LRRC8C: variants seen among roughly 807,000 people sequenced by gnomAD.
LRRC8C encodes leucine rich repeat containing 8 VRAC subunit C.
In LRRC8C, 20 loss-of-function variants were observed where a neutral mutation model predicts 55.3. The ratio of observed to expected loss-of-function variants is 0.36; its 90% CI spans 0.25 to 0.53. LRRC8C has a LOEUF of 0.53. Ranked by LOEUF, LRRC8C falls within the 20% of genes least tolerant of loss-of-function variation. The pLI, the probability that LRRC8C is intolerant of heterozygous loss-of-function variation, is 0.92. For synonymous variants in LRRC8C, 376 were observed against 360.7 expected, an observed-to-expected ratio of 1.04 and a Z score of -0.48; for missense variants, 659 against 951.4, an observed-to-expected ratio of 0.69 and a Z score of 4.04.
At chr1:89,656,541 A>G (rs143793639) in intron 1 of LRRC8C, among the ~76,000 whole-genome samples, 118 of 152,322 alleles carry the variant, frequency 7.7e-4, no homozygotes, top group African/African-American at 2.7e-3. Context: ...GTTTCCAGGC[A>G]TGTAATTCAA....
chr1:89,621,566 C>A, the LRRC8C span, among the ~76,000 whole-genome samples: 1 of 152,150 alleles, frequency 6.6e-6, no homozygotes, highest in Non-Finnish European at 1.5e-5. Context: ...CCAGTCTGAT[C>A]TGAGGAAAAG....
At chr1:89,703,910 AG>A (rs1317036978) in intron 2 of LRRC8C, among the ~76,000 whole-genome samples, 4 of 152,130 alleles carry the variant, frequency 2.6e-5, no homozygotes, top group Admixed American at 2.0e-4. Flanking sequence ...TAAAAAGAAA[AG>A]GGTGATTAGT....
At chr1:89,620,292 C>G in the LRRC8C span, among the ~76,000 whole-genome samples, 4 of 152,044 alleles carry the variant, frequency 2.6e-5, no homozygotes, top group African/African-American at 9.7e-5. Flanking sequence ...AATTAGGTTT[C>G]AACATATGAA....
At chr1:89,630,131 C>T (rs1215501), upstream of LRRC8C, among the ~76,000 whole-genome samples, 1 of 152,056 alleles carries the variant, frequency 6.6e-6, no homozygotes, top group African/African-American at 2.4e-5. Context: ...GATCACACAG[C>T]ATGAGACTCT....
upstream of LRRC8C, chr1:89,629,883 G>C (rs1442770601): frequency 6.6e-6 from 1 of 152,326 alleles, no homozygotes; most frequent in Non-Finnish European, 1.5e-5. Context: ...TTCAGGCCAG[G>C]CGTGGTGGCT....
chr1:89,708,910 A>G (rs1419047355), intron 2 of LRRC8C, among the ~76,000 whole-genome samples: 3 of 152,208 alleles, frequency 2.0e-5, no homozygotes, highest in Non-Finnish European at 4.4e-5. Flanking sequence ...TCCCTCAGCA[A>G]CATGAGATGC....
At chr1:89,656,275 C>A (rs986677101) in intron 1 of LRRC8C, among the ~76,000 whole-genome samples, 3 of 152,214 alleles carry the variant, frequency 2.0e-5, no homozygotes, top group African/African-American at 7.2e-5. Context: ...GTTTCTGGAT[C>A]GCAGTGGTCA....
chr1:89,637,069 C>T (rs530808069), intron 1 of LRRC8C, among the ~76,000 whole-genome samples: 1 of 152,156 alleles, frequency 6.6e-6, no homozygotes, highest in Admixed American at 6.5e-5. Context: ...CGAGGCTTCT[C>T]GACTGGTTTA....
intron 1 of LRRC8C, chr1:89,676,140 G>A (rs1344390940): frequency 6.6e-6 from 1 of 152,136 alleles, no homozygotes; most frequent in Non-Finnish European, 1.5e-5. Context: ...TAAGATCTCA[G>A]TGAGATTTAG....
intron 1 of LRRC8C, among the ~76,000 whole-genome samples, chr1:89,677,793 G>A (rs1423495529): frequency 6.6e-6 from 1 of 152,128 alleles, no homozygotes; most frequent in Non-Finnish European, 1.5e-5. Flanking sequence ...ATTATGTTCT[G>A]CTTCAGTGGA....
At chr1:89,703,277 T>C (rs1449517200) in intron 2 of LRRC8C, among the ~76,000 whole-genome samples, 1 of 151,900 alleles carries the variant, frequency 6.6e-6, no homozygotes, top group Non-Finnish European at 1.5e-5. Flanking sequence ...CCAGGGAAAA[T>C]GGAATAATAT....
Position 89,686,398 on chromosome 1 carries a change from C to G in LRRC8C, c.-4-72C>G, listed in dbSNP as rs939783351. On this transcript the variant is annotated intron_variant, in intron 1 of 2. Coordinates refer to ENST00000370454, the MANE Select transcript of LRRC8C (RefSeq NM_032270.5). Reference sequence around the variant, plus strand: ...AGACCTCTGCTGTGAGGAGTTGGAGCCACATTTGGTAACAATGCAGTATGT... The same window carrying G: ...AGACCTCTGCTGTGAGGAGTTGGAGGCACATTTGGTAACAATGCAGTATGT... 9 of 1,529,708 alleles carry G rather than the reference C, an allele frequency of 5.9e-6. 1 individual carries two copies. In the South Asian group the frequency reaches 1.1e-4, roughly 18 times the overall value. The allele number at this position is 1,529,708 out of a possible 1,614,324, so 94.8% of individuals were successfully genotyped here.
chr1:89,681,048 G>A lies in LRRC8C; in HGVS notation c.-4-5422G>A, dbSNP rs569856648. Among the ~76,000 whole-genome samples, 9 of 152,250 alleles carry A rather than the reference G, an allele frequency of 5.9e-5. No individual in the cohort carries two copies. The East Asian group carries it at 1.7e-3, about 29-fold the overall frequency. ...TCCTTTGTAGCAAGTTGAAAATCAAGGTTGGAGGAAATATAAAATAGAAAA... is the reference window on the plus strand; with the variant it reads ...TCCTTTGTAGCAAGTTGAAAATCAAAGTTGGAGGAAATATAAAATAGAAAA... On this transcript the variant is annotated intron_variant, in intron 1 of 2. Transcript: ENST00000370454.
At chr1:89,677,603 T>A (rs991148719) in intron 1 of LRRC8C, among the ~76,000 whole-genome samples, 1 of 152,238 alleles carries the variant, frequency 6.6e-6, no homozygotes, top group East Asian at 1.9e-4. Flanking sequence ...TTAAAAGTTA[T>A]AGTTCACCAT....
rs537932335 is a variant in LRRC8C, at chr1:89,684,927, G to A, written c.-4-1543G>A. Among the ~76,000 whole-genome samples the A allele has an allele frequency of 2.7e-4, 41 of 152,196 alleles. No individual in the cohort carries two copies. The Middle Eastern group carries it at 0.014, about 51-fold the overall frequency. Reference sequence around the variant, plus strand: ...TAGGTAGGTCAGAGAGGAGAACATCGCCAGGCCGTTGAAATTTTCAACACT... The same window carrying A: ...TAGGTAGGTCAGAGAGGAGAACATCACCAGGCCGTTGAAATTTTCAACACT... On this transcript the variant is annotated intron_variant, in intron 1 of 2. Coordinates refer to ENST00000370454, the MANE Select transcript of LRRC8C (RefSeq NM_032270.5).
intron 1 of LRRC8C, among the ~76,000 whole-genome samples, chr1:89,660,281 C>T (rs1026162358): frequency 2.0e-5 from 3 of 152,224 alleles, no homozygotes; most frequent in South Asian, 2.1e-4. Flanking sequence ...TCACTTAGTG[C>T]GTAGCTGTAC....
chr1:89,637,947 G>T (rs912857805), intron 1 of LRRC8C, among the ~76,000 whole-genome samples: 3 of 152,104 alleles, frequency 2.0e-5, no homozygotes, highest in African/African-American at 4.8e-5. Flanking sequence ...CTAACATTCG[G>T]TGTATCTAAC....
the LRRC8C span, among the ~76,000 whole-genome samples, chr1:89,622,313 G>A: frequency 6.6e-6 from 1 of 151,164 alleles, no homozygotes; most frequent in Admixed American, 6.6e-5. Context: ...TTACATGGAT[G>A]AAATGAAATC....
intron 1 of LRRC8C, among the ~76,000 whole-genome samples, chr1:89,675,862 G>C (rs1318349913): frequency 1.3e-5 from 2 of 152,164 alleles, no homozygotes; most frequent in Non-Finnish European, 2.9e-5. Context: ...AGGCCAGTAA[G>C]ATGCAGAGAG....
Sources: gnomAD v4.1 joint callset for allele counts (sites outside exome capture counted in the v4.1 genomes callset) on GRCh38, gnomAD v4.1.1 for gene constraint, MANE v1.5 for transcripts, NCBI Gene and HGNC (gene_info 2026-07-23, HGNC 2026-07-21) for gene names.